CA8: variants seen among roughly 807,000 people sequenced by gnomAD.
CA8 encodes carbonic anhydrase-related protein.
A neutral mutation model predicts 41.4 loss-of-function variants in CA8; 22 were observed. That is an observed-to-expected ratio of 0.53 (90% CI 0.38 to 0.76). CA8 has a LOEUF of 0.76. CA8 is among the 30% of genes least tolerant of loss of function. CA8 has a pLI of 0.00. For synonymous variants in CA8, 121 were observed against 130.6 expected, an observed-to-expected ratio of 0.93 and a Z score of 0.50; for missense variants, 270 against 352.8, an observed-to-expected ratio of 0.77 and a Z score of 1.88.
At chr8:60,247,084 G>A (rs1342256018) in intron 3 of CA8, among the ~76,000 whole-genome samples, 2 of 151,642 alleles carry the variant, frequency 1.3e-5, no homozygotes, top group Non-Finnish European at 2.9e-5. Context: ...GGGGTTTCAC[G>A]GTGTTAGCCA....
chr8:60,269,823 G>A (rs927559446), intron 2 of CA8, among the ~76,000 whole-genome samples: 1 of 152,180 alleles, frequency 6.6e-6, no homozygotes, highest in African/African-American at 2.4e-5. Context: ...AAACTGAATA[G>A]TCTAAATAGA....
At chr8:60,254,495 C>T (rs1031918492) in intron 3 of CA8, among the ~76,000 whole-genome samples, 5 of 152,156 alleles carry the variant, frequency 3.3e-5, no homozygotes, top group Admixed American at 6.5e-5. Context: ...ACCACGTCAG[C>T]GCTGGTAAGT....
chr8:60,244,271 T>C (rs1268038547), intron 3 of CA8, among the ~76,000 whole-genome samples: 2 of 152,190 alleles, frequency 1.3e-5, no homozygotes, highest in African/African-American at 4.8e-5. Context: ...TAGATAGACT[T>C]ATGCCCGTCT....
intron 3 of CA8, among the ~76,000 whole-genome samples, chr8:60,240,459 T>C (rs1462608255): frequency 6.6e-6 from 1 of 152,248 alleles, no homozygotes; most frequent in African/African-American, 2.4e-5. Context: ...TTTGACTTTT[T>C]AATATTCTTA....
intron 2 of CA8, among the ~76,000 whole-genome samples, chr8:60,272,675 T>C (rs1466900506): frequency 1.3e-5 from 2 of 152,236 alleles, no homozygotes; most frequent in Non-Finnish European, 2.9e-5. Context: ...CCACAAATCC[T>C]TCCCTAAGAA....
At chr8:60,194,644 C>T (rs1806227029) in intron 8 of CA8, among the ~76,000 whole-genome samples, 1 of 152,162 alleles carries the variant, frequency 6.6e-6, no homozygotes, top group African/African-American at 2.4e-5. Flanking sequence ...AGCTTTCAAC[C>T]AATACAGATG....
intron 3 of CA8, among the ~76,000 whole-genome samples, chr8:60,254,237 A>C (rs1360260605): frequency 6.6e-6 from 1 of 152,212 alleles, no homozygotes; most frequent in Non-Finnish European, 1.5e-5. Context: ...GCTGAATGGT[A>C]TATGCCACTC....
At chr8:60,224,226 C>A (rs1807347779) in intron 6 of CA8, among the ~76,000 whole-genome samples, 1 of 152,140 alleles carries the variant, frequency 6.6e-6, no homozygotes, top group South Asian at 2.1e-4. Flanking sequence ...GGATTACAGG[C>A]ATGAGCCACC....
chr8:60,274,804 C>T (rs1193385846), intron 2 of CA8, among the ~76,000 whole-genome samples: 1 of 152,108 alleles, frequency 6.6e-6, no homozygotes, highest in Non-Finnish European at 1.5e-5. Flanking sequence ...TATAAATTAC[C>T]TACTCCACAG....
chr8:60,245,547 T>C (rs1323373509), intron 3 of CA8, among the ~76,000 whole-genome samples: 4 of 152,250 alleles, frequency 2.6e-5, no homozygotes, highest in African/African-American at 4.8e-5. Flanking sequence ...AAGGGAATTA[T>C]GCTTCGCTGA....
At chr8:60,270,707 T>C (rs1332215567) in intron 2 of CA8, among the ~76,000 whole-genome samples, 1 of 152,216 alleles carries the variant, frequency 6.6e-6, no homozygotes, top group Non-Finnish European at 1.5e-5. Flanking sequence ...TGAGCCACCA[T>C]GCCCAGCTCC....
chr8:60,230,964 A>G (rs943577432), intron 4 of CA8, among the ~76,000 whole-genome samples: 2 of 152,042 alleles, frequency 1.3e-5, no homozygotes, highest in Non-Finnish European at 2.9e-5. Context: ...CTATATATGA[A>G]TATGTGGTTA....
At chr8:60,244,165 C>A (rs1363581365) in intron 3 of CA8, among the ~76,000 whole-genome samples, 1 of 152,180 alleles carries the variant, frequency 6.6e-6, no homozygotes, top group African/African-American at 2.4e-5. Context: ...CAACGAAGAG[C>A]TATGTCCTGC....
chr8:60,234,450 C>T (rs1807761989), intron 3 of CA8, among the ~76,000 whole-genome samples: 1 of 152,130 alleles, frequency 6.6e-6, no homozygotes, highest in South Asian at 2.1e-4. Flanking sequence ...CAAATGTAAC[C>T]ATGCTAATGT....
At chr8:60,267,798 T>C (rs999887476) in intron 2 of CA8, among the ~76,000 whole-genome samples, 1 of 152,228 alleles carries the variant, frequency 6.6e-6, no homozygotes, top group Admixed American at 6.5e-5. Flanking sequence ...AGAACTGCAC[T>C]TCATCCTATT....
rs184450466 is a variant in CA8, at chr8:60,247,033, G to A, written c.418-14654C>T. 3.7e-3 allele frequency among the ~76,000 whole-genome samples: 557 copies of A among 151,816 alleles called. 3 individuals carry two copies. The highest frequency in any genetic ancestry group is 0.013 in the African/African-American group (528 of 41,426). On this transcript the variant is annotated intron_variant, in intron 3 of 8. Coordinates refer to ENST00000317995, the MANE Select transcript of CA8 (RefSeq NM_004056.6). ...CGAGTAGCTGGGACTACAGGCGCCCGCCAATACACCCAGCTAATTTTTTGT... is the reference window on the plus strand; with the variant it reads ...CGAGTAGCTGGGACTACAGGCGCCCACCAATACACCCAGCTAATTTTTTGT...
At position 60,227,025 on chromosome 8, in the gene CA8, C is replaced by T. The variant is rs1244756040; in HGVS notation, c.514-90G>A. 14 of 908,866 alleles carry T rather than the reference C, an allele frequency of 1.5e-5. 1 individual carries two copies. The highest frequency in any genetic ancestry group is 1.2e-4 in the South Asian group (9 of 75,030). The allele number at this position is 908,866 out of a possible 1,614,324, so 56.3% of individuals were successfully genotyped here. On this transcript the variant is annotated intron_variant, in intron 4 of 8. Transcript: ENST00000317995. ...AAACTAATAGGGCTGAGTGTGGTGG[C>T]TCATGCCTGTAACCCCAGCACTTTG...
At chr8:60,227,817 T>C (rs537401094) in intron 4 of CA8, among the ~76,000 whole-genome samples, 2 of 152,322 alleles carry the variant, frequency 1.3e-5, no homozygotes, top group South Asian at 4.1e-4. Context: ...AACATATCAC[T>C]ATATATTATT....
intron 8 of CA8, among the ~76,000 whole-genome samples, chr8:60,206,726 A>C (rs1277275759): frequency 6.7e-6 from 1 of 150,122 alleles, no homozygotes. Context: ...CTAAACCACC[A>C]CCTCCTTCTT....
Sources: allele counts gnomAD v4.1 joint callset (sites outside exome capture counted in the v4.1 genomes callset), GRCh38; gene constraint gnomAD v4.1.1; transcripts MANE v1.5; gene names NCBI Gene and HGNC (gene_info 2026-07-23, HGNC 2026-07-21).